Variants in SYNE2 observed in about 807,000 individuals in gnomAD.
The protein encoded by SYNE2 is nesprin-2.
A neutral mutation model predicts 856.3 loss-of-function variants in SYNE2; 431 were observed. That is an observed-to-expected ratio of 0.50 (90% CI 0.47 to 0.55). SYNE2 has a LOEUF of 0.55. Among genes scored for constraint, SYNE2 ranks in the 20% least tolerant of loss-of-function variants. The pLI, the probability that SYNE2 is intolerant of heterozygous loss-of-function variation, is 0.00. For synonymous variants in SYNE2, 2,923 were observed against 2,872.3 expected, an observed-to-expected ratio of 1.02 and a Z score of -0.56; for missense variants, 8,129 against 8,023.2, an observed-to-expected ratio of 1.01 and a Z score of -0.50.
chr14:64,114,214 A>G (rs2153658405), intron 66 of SYNE2, among the ~76,000 whole-genome samples: 1 of 152,262 alleles, frequency 6.6e-6, no homozygotes, highest in Non-Finnish European at 1.5e-5. Context: ...CTCTGAGTAA[A>G]GCTTGCCGGC....
intron 1 of SYNE2, among the ~76,000 whole-genome samples, chr14:63,762,361 G>A (rs1224777555): frequency 6.6e-6 from 1 of 151,026 alleles, no homozygotes; most frequent in Non-Finnish European, 1.5e-5. Flanking sequence ...CTTGAACCTG[G>A]GAAGCAGAGG....
chr14:63,858,090 G>C (rs909924685), intron 1 of SYNE2, among the ~76,000 whole-genome samples: 15 of 151,518 alleles, frequency 9.9e-5, no homozygotes, highest in African/African-American at 3.4e-4. Flanking sequence ...GAAGCAAAAT[G>C]GAGCTGTTTT....
At chr14:63,867,684 C>T (rs574523276) in intron 1 of SYNE2, among the ~76,000 whole-genome samples, 5 of 150,872 alleles carry the variant, frequency 3.3e-5, no homozygotes, top group African/African-American at 9.8e-5. Flanking sequence ...GATGACAGAG[C>T]GAGACTCTGT....
chr14:63,830,065 A>G (rs1889611612), intron 1 of SYNE2, among the ~76,000 whole-genome samples: 1 of 152,218 alleles, frequency 6.6e-6, no homozygotes, highest in African/African-American at 2.4e-5. Flanking sequence ...GTGCTGATAC[A>G]TAGAACAAGA....
chr14:63,825,288 G>T (rs944808856), intron 1 of SYNE2, among the ~76,000 whole-genome samples: 1 of 151,612 alleles, frequency 6.6e-6, no homozygotes, highest in Non-Finnish European at 1.5e-5. Context: ...AAATTACCAA[G>T]GTTGGAAGGA....
intron 97 of SYNE2, 28 bp from the exon 98 acceptor site, chr14:64,188,522 C>T (rs750405465): frequency 6.2e-7 from 1 of 1,614,050 alleles, no homozygotes; most frequent in Non-Finnish European, 8.5e-7. Flanking sequence ...TGGCTATACT[C>T]AGCTGCCAAA....
Position 64,141,397 on chromosome 14 carries a change from C to G in SYNE2, c.15033C>G (p.Ile5011Met). The change falls in exon 81 of 116, where the codon ATC (isoleucine) becomes ATG (methionine). Residue 5011 changes from isoleucine to methionine, a missense_variant. Physicochemically the swap from Ile to Met is conservative, Grantham distance 10. Around this residue, in one of 3 missense-constraint regions of SYNE2, gnomAD observed 5,410 missense variants for 5,284.8 expected, o/e 1.02. Transcript: ENST00000555002. ...KSSLKTAVIS[I>M]GNQLLHLKET... ...CCTTGAAGACTGCCGTTATCAGTAT[C>G]GGGAACCAGCTTCTTCACCTGAAAG... 1 of 1,614,040 alleles carries G rather than the reference C, an allele frequency of 6.2e-7. No homozygotes were observed. The highest frequency in any genetic ancestry group is 8.5e-7 in the Non-Finnish European group (1 of 1,179,976).
At chr14:64,112,470 TA>T (rs1298959490) in intron 65 of SYNE2, among the ~76,000 whole-genome samples, 1 of 152,186 alleles carries the variant, frequency 6.6e-6, no homozygotes, top group African/African-American at 2.4e-5. Flanking sequence ...CAGTGGGAGG[TA>T]AATACATCTC....
chr14:63,950,346 G>A (rs1026988227), intron 7 of SYNE2, among the ~76,000 whole-genome samples: 1 of 152,132 alleles, frequency 6.6e-6, no homozygotes, highest in African/African-American at 2.4e-5. Context: ...TTGAGGTCAG[G>A]AGTTCGAGAC....
intron 1 of SYNE2, among the ~76,000 whole-genome samples, chr14:63,781,658 T>TTCTCTC (rs34000786): frequency 4.6e-5 from 5 of 109,846 alleles, no homozygotes; most frequent in African/African-American, 1.3e-4. Context: ...ACCTTAGGCC[T>TTCTCTC]TCTCTCTCTC....
At position 64,106,136 on chromosome 14, in the gene SYNE2, C is replaced by T. The variant is rs868626240; in HGVS notation, c.12493-1355C>T. Among the ~76,000 whole-genome samples the T allele has an allele frequency of 6.8e-4, 100 of 146,850 alleles. 1 individual carries two copies. The highest frequency in any genetic ancestry group is 1.4e-3 in the Non-Finnish European group (90 of 65,922). On this transcript the variant is annotated intron_variant, in intron 64 of 115. Transcript: ENST00000555002. The stretch of plus-strand genomic sequence containing the variant: ...TACATGGAATTGCATTTCCAGACCC[C>T]CCCCCCCAACCAACACACAAGCTGA...
rs1175611635 is a variant in SYNE2 at position 63,998,955 on chromosome 14, A to T, written c.3395A>T (p.Asn1132Ile). The part of the protein sequence containing the change: ...YRDILEHHLQ[N>I]NKFRITSDFS... ...GATATTCTTGAACACCACCTGCAAAACAACAAATTCAGGATTACTTCTGAT... is the reference window on the plus strand; with the variant it reads ...GATATTCTTGAACACCACCTGCAAATCAACAAATTCAGGATTACTTCTGAT... The change falls in exon 27 of 116, where the codon AAC (asparagine) becomes ATC (isoleucine). Residue 1132 changes from asparagine (N) to isoleucine (I), a missense_variant. Asn to Ile is a moderately radical substitution (Grantham distance 149, BLOSUM62 -3). This residue lies in a region of SYNE2 where 2,422 missense variants were observed against 2,357.4 expected (regional missense o/e 1.03). Transcript: ENST00000555002. 6.2e-7 allele frequency: 1 copy of T among 1,614,134 alleles called. No individual in the cohort carries two copies. Among genetic ancestry groups the T allele is most frequent in the Admixed American group, 1.7e-5 (1 of 60,034 alleles).
intron 55 of SYNE2, 71 bp from the exon 56 acceptor site, chr14:64,080,385 G>C: frequency 6.9e-7 from 1 of 1,445,420 alleles, no homozygotes; most frequent in African/African-American, 1.4e-5. Flanking sequence ...TAAATACTGT[G>C]TGAAAACCAG....
At chr14:64,083,201 A>G (rs940155627) in intron 57 of SYNE2, among the ~76,000 whole-genome samples, 1 of 151,600 alleles carries the variant, frequency 6.6e-6, no homozygotes, top group Admixed American at 6.6e-5. Context: ...AAGATGCTGC[A>G]TTTCTACCCA....
intron 1 of SYNE2, among the ~76,000 whole-genome samples, chr14:63,869,958 C>T (rs1374814074): frequency 6.6e-6 from 1 of 152,168 alleles, no homozygotes; most frequent in Non-Finnish European, 1.5e-5. Context: ...TGACTCTGTT[C>T]TCCAAATGTC....
At chr14:64,206,130 C>T (rs1337885230) in intron 100 of SYNE2, among the ~76,000 whole-genome samples, 3 of 152,210 alleles carry the variant, frequency 2.0e-5, no homozygotes, top group Non-Finnish European at 4.4e-5. Context: ...ATTCTCTTCT[C>T]CAGTTTCATG....
At chr14:64,196,079 G>A (rs369154191) in intron 99 of SYNE2, among the ~76,000 whole-genome samples, 10 of 152,208 alleles carry the variant, frequency 6.6e-5, no homozygotes, top group African/African-American at 1.9e-4. Flanking sequence ...AGAGGTTCAC[G>A]TTCAGCAGGT....
In SYNE2 at chr14:63,902,062, A is replaced by G. The variant is rs113684447; in HGVS notation, c.-51-7036A>G. 1.5e-3 allele frequency among the ~76,000 whole-genome samples: 223 copies of G among 152,248 alleles called. 1 individual carries two copies. The highest frequency in any genetic ancestry group is 5.2e-3 in the African/African-American group (214 of 41,522). ...ATTTTAGAAGCTTTAATGCCACTAC[A>G]TTCTTCACCCAACCTTTGGTTATGT... On this transcript the variant is annotated intron_variant, in intron 1 of 115. Coordinates refer to ENST00000555002, the MANE Select transcript of SYNE2 (RefSeq NM_182914.3).
Position 64,122,143 on chromosome 14 carries a change from T to A in SYNE2, c.13280+10T>A. On this transcript the variant is annotated intron_variant, in intron 69 of 115. Coordinates refer to ENST00000555002, the MANE Select transcript of SYNE2 (RefSeq NM_182914.3). ...AGGAATCATCTGCAAGGTAAAACAT[T>A]TAAAAATAGAGTTGGTCATTCAGTG... 1 of 1,614,100 alleles carries A rather than the reference T, an allele frequency of 6.2e-7. No homozygotes were observed. Among genetic ancestry groups the A allele is most frequent in the South Asian group, 1.1e-5 (1 of 91,086 alleles).
Sources: gnomAD v4.1 joint callset for allele counts (sites outside exome capture counted in the v4.1 genomes callset) on GRCh38, gnomAD v4.1.1 for gene constraint, gnomAD v4.1.1 regional missense constraint, MANE v1.5 for transcripts, NCBI Gene and HGNC (gene_info 2026-07-23, HGNC 2026-07-21) for gene names.